The following KCNIP4 variants were observed in gnomAD, a reference collection of about 807,000 sequenced individuals.
KCNIP4 encodes potassium voltage-gated channel interacting protein 4.
KCNIP4 carries 12 observed loss-of-function variants against 34.0 expected under a neutral mutation model. That is an observed-to-expected ratio of 0.35 (90% confidence interval 0.23 to 0.57). The LOEUF is 0.57. Ranked by LOEUF, KCNIP4 falls within the 20% of genes least tolerant of loss-of-function variation. The probability of loss-of-function intolerance (pLI) is 0.83; values close to 1 mark genes in which losing one functional copy is unlikely to be tolerated. For missense variants in KCNIP4, 238 were observed against 311.7 expected, an observed-to-expected ratio of 0.76 and a Z score of 1.78; for synonymous variants, 124 against 102.2, an observed-to-expected ratio of 1.21 and a Z score of -1.29.
chr4:20,876,234 C>T (rs1014437507), intron 2 of KCNIP4, among the ~76,000 whole-genome samples: 11 of 151,734 alleles, frequency 7.2e-5, no homozygotes, highest in African/African-American at 2.7e-4. Flanking sequence ...TATTTCCTGA[C>T]CATTATCTAG....
At position 20,908,020 on chromosome 4, in the gene KCNIP4, C is replaced by A. The variant is rs562243667; in HGVS notation, c.62-25311G>T. On this transcript the variant is annotated intron_variant, in intron 1 of 8. Transcript: ENST00000382152. ...CACATTATTGTAATGTCCCTGTGTA[C>A]CAACTTGAGGTATTAATCTAATTAA... 1.9e-3 allele frequency among the ~76,000 whole-genome samples: 288 copies of A among 151,986 alleles called. 1 individual carries two copies. Among genetic ancestry groups the A allele is most frequent in the African/African-American group, 6.5e-3 (268 of 41,454 alleles).
chr4:20,751,923 T>G (rs924099784), intron 4 of KCNIP4, among the ~76,000 whole-genome samples: 3 of 152,136 alleles, frequency 2.0e-5, no homozygotes, highest in Non-Finnish European at 4.4e-5. Flanking sequence ...CATAGTGGAG[T>G]CAGACTGCCT....
At chr4:21,201,584 C>T (rs996031945) in intron 1 of KCNIP4, among the ~76,000 whole-genome samples, 3 of 152,098 alleles carry the variant, frequency 2.0e-5, no homozygotes, top group Non-Finnish European at 4.4e-5. Context: ...CTGCAAGCTC[C>T]GCCTCCCAGG....
At chr4:21,038,955 T>C (rs2149775821) in intron 1 of KCNIP4, among the ~76,000 whole-genome samples, 1 of 152,304 alleles carries the variant, frequency 6.6e-6, no homozygotes, top group East Asian at 1.9e-4. Flanking sequence ...AAGGCTGGCA[T>C]CCACATCATT....
intron 1 of KCNIP4, among the ~76,000 whole-genome samples, chr4:21,445,634 T>C (rs1398222490): frequency 2.0e-5 from 3 of 152,138 alleles, no homozygotes. Flanking sequence ...CAAGATGGAT[T>C]AAAGACTTAA....
intron 3 of KCNIP4, among the ~76,000 whole-genome samples, chr4:20,814,597 C>A (rs138599150): frequency 6.6e-6 from 1 of 152,302 alleles, no homozygotes; most frequent in East Asian, 1.9e-4. Flanking sequence ...TCCCTCCAAG[C>A]AAGAGCCTCT....
intron 1 of KCNIP4, among the ~76,000 whole-genome samples, chr4:21,538,499 G>A (rs1408188282): frequency 6.6e-6 from 1 of 152,144 alleles, no homozygotes; most frequent in African/African-American, 2.4e-5. Flanking sequence ...CCAGTGTGTT[G>A]CTTCTTTTCT....
At chr4:21,574,701 A>G (rs1481306718) in intron 1 of KCNIP4, among the ~76,000 whole-genome samples, 1 of 152,182 alleles carries the variant, frequency 6.6e-6, no homozygotes, top group Non-Finnish European at 1.5e-5. Flanking sequence ...GAGCTGGATA[A>G]TATGAACCAA....
intron 1 of KCNIP4, among the ~76,000 whole-genome samples, chr4:21,058,547 G>T (rs1015944616): frequency 1.3e-5 from 2 of 151,992 alleles, no homozygotes; most frequent in South Asian, 4.1e-4. Context: ...GGATAATTAT[G>T]GTCCCTAAAT....
chr4:21,044,610 C>T (rs1031439260), intron 1 of KCNIP4, among the ~76,000 whole-genome samples: 2 of 152,114 alleles, frequency 1.3e-5, no homozygotes, highest in African/African-American at 2.4e-5. Context: ...ATGCCCAGCC[C>T]GTTTCCCCTG....
At chr4:21,167,870 A>G (rs1222817545) in intron 1 of KCNIP4, among the ~76,000 whole-genome samples, 2 of 152,158 alleles carry the variant, frequency 1.3e-5, no homozygotes, top group South Asian at 2.1e-4. Flanking sequence ...AATTGCATTC[A>G]CTTATTTTCT....
chr4:21,808,787 C>T (rs1221851920), intron 1 of KCNIP4, among the ~76,000 whole-genome samples: 1 of 152,080 alleles, frequency 6.6e-6, no homozygotes, highest in African/African-American at 2.4e-5. Context: ...TCCATTAGCT[C>T]CAAATCTATA....
intron 1 of KCNIP4, among the ~76,000 whole-genome samples, chr4:20,883,749 T>A (rs1326451559): frequency 1.3e-5 from 2 of 152,210 alleles, no homozygotes; most frequent in Non-Finnish European, 2.9e-5. Flanking sequence ...AGCCTACTGA[T>A]TTAGTTTCCT....
At chr4:21,561,825 G>A (rs1489486391) in intron 1 of KCNIP4, among the ~76,000 whole-genome samples, 2 of 151,784 alleles carry the variant, frequency 1.3e-5, no homozygotes, top group African/African-American at 4.8e-5. Context: ...TTATTTTTTG[G>A]ATAACAGAAC....
intron 1 of KCNIP4, among the ~76,000 whole-genome samples, chr4:21,804,310 G>A (rs1419444631): frequency 6.6e-6 from 1 of 152,186 alleles, no homozygotes; most frequent in Non-Finnish European, 1.5e-5. Context: ...TTTGTGATCA[G>A]ACATGATTAT....
At chr4:21,585,329 T>C (rs958965350) in intron 1 of KCNIP4, among the ~76,000 whole-genome samples, 2 of 152,038 alleles carry the variant, frequency 1.3e-5, no homozygotes, top group African/African-American at 4.8e-5. Flanking sequence ...CAGATCCTAC[T>C]TACTATGCTT....
chr4:21,251,856 C>T (rs528479670), intron 1 of KCNIP4, among the ~76,000 whole-genome samples: 1 of 109,312 alleles, frequency 9.1e-6, no homozygotes, highest in African/African-American at 3.7e-5. Context: ...ACTCTAGGGA[C>T]TGTGGTGGGG....
chr4:20,897,479 A>G (rs1314588400), intron 1 of KCNIP4, among the ~76,000 whole-genome samples: 1 of 152,114 alleles, frequency 6.6e-6, no homozygotes, highest in Non-Finnish European at 1.5e-5. Context: ...TAGGTTGGCT[A>G]ATGTTATAGC....
chr4:20,885,276 G>C (rs1035460397), intron 1 of KCNIP4, among the ~76,000 whole-genome samples: 1 of 145,990 alleles, frequency 6.8e-6, no homozygotes, highest in Non-Finnish European at 1.5e-5. Flanking sequence ...CGTTATTCTC[G>C]AGGTCATGAG....
Sources: gnomAD v4.1 joint callset for allele counts (sites outside exome capture counted in the v4.1 genomes callset) on GRCh38, gnomAD v4.1.1 for gene constraint, MANE v1.5 for transcripts, NCBI Gene and HGNC (gene_info 2026-07-23, HGNC 2026-07-21) for gene names.